Variants in TBC1D15 observed in about 807,000 individuals in gnomAD.
TBC1D15 encodes GAP for RAB7.
TBC1D15 carries 39 observed loss-of-function variants against 95.4 expected under a neutral mutation model. The observed-to-expected ratio is 0.41, with a 90% CI of 0.32 to 0.53. TBC1D15 has a LOEUF of 0.53. Among genes scored for constraint, TBC1D15 ranks in the 20% least tolerant of loss-of-function variants. The probability of loss-of-function intolerance (pLI) is 0.29; values close to 1 mark genes in which losing one functional copy is unlikely to be tolerated. For synonymous variants in TBC1D15, 258 were observed against 261.3 expected (o/e 0.99, Z 0.12); for missense variants, 733 against 794.3 (o/e 0.92, Z 0.93).
chr12:71,911,256 A>T (rs1171091369), intron 11 of TBC1D15, among the ~76,000 whole-genome samples: 1 of 152,164 alleles, frequency 6.6e-6, no homozygotes, highest in Non-Finnish European at 1.5e-5. Context: ...CATTTGACCC[A>T]GCCATCCCAT....
At chr12:71,869,215 T>C (rs1892147419) in intron 1 of TBC1D15, among the ~76,000 whole-genome samples, 1 of 152,064 alleles carries the variant, frequency 6.6e-6, no homozygotes, top group Non-Finnish European at 1.5e-5. Context: ...ATATGTGGAA[T>C]ATGTATAATT....
intron 1 of TBC1D15, among the ~76,000 whole-genome samples, chr12:71,840,298 G>A (rs1884629236): frequency 6.6e-6 from 1 of 152,216 alleles, no homozygotes; most frequent in African/African-American, 2.4e-5. Flanking sequence ...GCGCTTAGAA[G>A]AAACGAGTGT....
intron 8 of TBC1D15, chr12:71,896,435 T>C (rs1363092124): frequency 2.6e-6 from 1 of 377,404 alleles, no homozygotes; most frequent in Non-Finnish European, 4.7e-6. Flanking sequence ...ACACTGTCTG[T>C]CTGCTGTAGT....
chr12:71,897,935 C>CT lies in TBC1D15; in HGVS notation c.1179dup (p.Ile394TyrfsTer6), dbSNP rs1434878510. The CT allele has an allele frequency of 4.3e-6, 7 of 1,610,646 alleles. No individual in the cohort carries two copies. Among genetic ancestry groups the CT allele is most frequent in the Non-Finnish European group, 5.9e-6 (7 of 1,177,930 alleles). On this transcript the variant is annotated frameshift_variant, in exon 10 of 17. Coordinates refer to ENST00000485960, the MANE Select transcript of TBC1D15 (RefSeq NM_001146213.3). LOFTEE classifies it high-confidence loss of function. ...TTCGAGGTTAAGAGATTATAGAAGT[C>CT]TTATCGGTAATTTTTTCTTAACAAC...
chr12:71,866,302 A>G (rs537356198), intron 1 of TBC1D15, among the ~76,000 whole-genome samples: 1 of 152,316 alleles, frequency 6.6e-6, no homozygotes, highest in South Asian at 2.1e-4. Flanking sequence ...CAGATGCGGT[A>G]TCTTCTCCTC....
intron 1 of TBC1D15, chr12:71,850,432 C>T (rs560052048): frequency 6.7e-5 from 16 of 237,544 alleles, no homozygotes; most frequent in South Asian, 3.1e-4. Flanking sequence ...CACAGGCAGT[C>T]GCAGAGTTTT....
chr12:71,891,676 T>TCCACCC (rs1897226544), intron 5 of TBC1D15, among the ~76,000 whole-genome samples: 1 of 152,134 alleles, frequency 6.6e-6, no homozygotes, highest in Non-Finnish European at 1.5e-5. Flanking sequence ...TTCTTAGAGC[T>TCCACCC]TCCTCCACCC....
chr12:71,905,896 A>G (rs1900575042), intron 10 of TBC1D15, among the ~76,000 whole-genome samples: 1 of 152,012 alleles, frequency 6.6e-6, no homozygotes, highest in Admixed American at 6.5e-5. Flanking sequence ...TTTTTGAGAC[A>G]GAGTCTCACT....
At chr12:71,894,189 A>G in intron 6 of TBC1D15, 1 of 697,386 alleles carries the variant, frequency 1.4e-6, no homozygotes, top group Non-Finnish European at 2.4e-6. Flanking sequence ...TCTTGTTGGC[A>G]TGATTTACTA....
intron 6 of TBC1D15, among the ~76,000 whole-genome samples, chr12:71,893,580 T>A (rs1377982483): frequency 2.6e-5 from 4 of 151,916 alleles, no homozygotes; most frequent in Non-Finnish European, 5.9e-5. Context: ...TTTATTATAA[T>A]ACTAAAATTA....
intron 1 of TBC1D15, among the ~76,000 whole-genome samples, chr12:71,870,901 A>G (rs950761277): frequency 7.2e-5 from 11 of 152,190 alleles, no homozygotes; most frequent in African/African-American, 2.4e-4. Flanking sequence ...AAGGAGTGAT[A>G]GACTCTGATA....
At chr12:71,867,966 C>T (rs997591088) in intron 1 of TBC1D15, among the ~76,000 whole-genome samples, 1 of 152,044 alleles carries the variant, frequency 6.6e-6, no homozygotes, top group Non-Finnish European at 1.5e-5. Context: ...TATTTTTTTC[C>T]TGTGCCCTTA....
At chr12:71,911,301 C>G (rs1291016272) in intron 11 of TBC1D15, among the ~76,000 whole-genome samples, 1 of 152,128 alleles carries the variant, frequency 6.6e-6, no homozygotes, top group African/African-American at 2.4e-5. Context: ...ATAAATCATG[C>G]TGCCATAAAG....
intron 6 of TBC1D15, among the ~76,000 whole-genome samples, 171 bp downstream of exon 6, chr12:71,893,495 AT>A (rs1897586359): frequency 6.6e-6 from 1 of 151,780 alleles, no homozygotes; most frequent in Admixed American, 6.6e-5. Flanking sequence ...TACAGAAACA[AT>A]AATAAGTTTT....
chr12:71,897,637 A>G (rs1898466645), intron 9 of TBC1D15, among the ~76,000 whole-genome samples: 1 of 152,018 alleles, frequency 6.6e-6, no homozygotes, highest in Non-Finnish European at 1.5e-5. Flanking sequence ...AAAGTTTATC[A>G]CATAAACTTT....
intron 10 of TBC1D15, among the ~76,000 whole-genome samples, chr12:71,901,930 T>C (rs943786466): frequency 6.6e-6 from 1 of 152,114 alleles, no homozygotes; most frequent in African/African-American, 2.4e-5. Flanking sequence ...ATCAGTAGCA[T>C]TGGTATACAC....
At chr12:71,882,698 T>G (rs764545066) in intron 4 of TBC1D15, among the ~76,000 whole-genome samples, 1 of 149,476 alleles carries the variant, frequency 6.7e-6, no homozygotes, top group Non-Finnish European at 1.5e-5. Flanking sequence ...ACTAGGTTGT[T>G]AATTCACTTA....
intron 5 of TBC1D15, among the ~76,000 whole-genome samples, chr12:71,887,384 AAGAAG>A (rs1474689060): frequency 2.0e-5 from 3 of 152,194 alleles, no homozygotes; most frequent in Non-Finnish European, 4.4e-5. Flanking sequence ...GTTTAACTTG[AAGAAG>A]AGAAATTTCA....
Position 71,923,249 on chromosome 12 carries a change from T to G in TBC1D15, c.*45T>G. 6.4e-7 allele frequency: 1 copy of G among 1,568,228 alleles called. No homozygotes were observed. The highest frequency in any genetic ancestry group is 8.7e-7 in the Non-Finnish European group (1 of 1,143,218). Reference sequence around the variant, plus strand: ...GGGAAGAGACACTTTGTTGCAACCCTTTTTCAAGTACTTGAAAGTTGAAAA... The same window carrying G: ...GGGAAGAGACACTTTGTTGCAACCCGTTTTCAAGTACTTGAAAGTTGAAAA... On this transcript the variant is annotated 3_prime_UTR_variant, in exon 17 of 17. Transcript: ENST00000485960.
Sources: gnomAD v4.1 joint callset for allele counts (sites outside exome capture counted in the v4.1 genomes callset) on GRCh38, gnomAD v4.1.1 for gene constraint, MANE v1.5 for transcripts, NCBI Gene and HGNC (gene_info 2026-07-23, HGNC 2026-07-21) for gene names.